KDM3A: variants seen among roughly 807,000 people sequenced by gnomAD.
KDM3A encodes lysine-specific demethylase 3A.
A neutral mutation model predicts 158.0 loss-of-function variants in KDM3A; 60 were observed. The observed-to-expected ratio is 0.38, with a 90% CI of 0.31 to 0.47. The LOEUF (loss-of-function observed/expected upper bound fraction) is 0.47. Ranked by LOEUF, KDM3A falls within the 20% of genes least tolerant of loss-of-function variation. The pLI, the probability that KDM3A is intolerant of heterozygous loss-of-function variation, is 0.99. For missense variants in KDM3A, 1,319 were observed against 1,574.3 expected (o/e 0.84, Z 2.74); for synonymous variants, 608 against 549.3 (o/e 1.11, Z -1.49).
intron 9 of KDM3A, among the ~76,000 whole-genome samples, chr2:86,465,128 A>G (rs191823611): frequency 6.6e-6 from 1 of 152,358 alleles, no homozygotes; most frequent in African/African-American, 2.4e-5. Context: ...AAACAGGTAT[A>G]ATAGAAAAAA....
chr2:86,490,685 C>A (rs1674410880), intron 23 of KDM3A, 196 bp from the exon 24 acceptor site: 13 of 514,878 alleles, frequency 2.5e-5, no homozygotes, highest in Middle Eastern at 1.0e-3. Context: ...GAACTGACAT[C>A]ACATTTTCTT....
intron 25 of KDM3A, 134 bp from the exon 26 acceptor site, chr2:86,491,905 T>C (rs1243944246): frequency 3.1e-6 from 2 of 636,064 alleles, no homozygotes; most frequent in Non-Finnish European, 5.5e-6. Flanking sequence ...CCTTTTGCAA[T>C]GTTGACATTT....
intron 1 of KDM3A, among the ~76,000 whole-genome samples, chr2:86,441,811 G>T (rs1400564644): frequency 1.3e-5 from 2 of 150,078 alleles, no homozygotes; most frequent in Non-Finnish European, 3.0e-5. Flanking sequence ...ACTTGGGAGA[G>T]CGAGGGTCAC....
At chr2:86,477,171 T>G (rs1289382147) in intron 12 of KDM3A, among the ~76,000 whole-genome samples, 1 of 152,230 alleles carries the variant, frequency 6.6e-6, no homozygotes, top group Non-Finnish European at 1.5e-5. Flanking sequence ...AAAATGCTGC[T>G]TTGTGGAATC....
rs765079172 is a variant in KDM3A at position 86,492,180 on chromosome 2, T to C, written c.*61T>C. 10 of 1,264,084 alleles carry C rather than the reference T, an allele frequency of 7.9e-6. No homozygotes were observed. Among genetic ancestry groups the C allele is most frequent in the East Asian group, 7.0e-5 (3 of 42,678 alleles). 78.3% of individuals were successfully genotyped at this position (1,264,084 alleles called of 1,614,324 possible). A position where few individuals can be genotyped will look rare whatever the true frequency, so the allele number is the denominator to read the frequency against. Reference sequence around the variant, plus strand: ...GTTCAAACTCTTCAGGCAGGATTCCTGTGGACTTTGAGATTCATGTTACCT... The same window carrying C: ...GTTCAAACTCTTCAGGCAGGATTCCCGTGGACTTTGAGATTCATGTTACCT... On this transcript the variant is annotated 3_prime_UTR_variant, in exon 26 of 26. Transcript: ENST00000312912.
chr2:86,484,253 AT>A (rs1674077869), intron 19 of KDM3A, 95 bp downstream of exon 19: 3 of 1,066,052 alleles, frequency 2.8e-6, no homozygotes, highest in Non-Finnish European at 1.4e-6. Flanking sequence ...CAGCCGCAGC[AT>A]TTTCCAGGAT....
chr2:86,442,973 G>A (rs751634143), intron 2 of KDM3A, among the ~76,000 whole-genome samples: 1 of 152,138 alleles, frequency 6.6e-6, no homozygotes, highest in African/African-American at 2.4e-5. Flanking sequence ...ATGACACTCA[G>A]AACCTTTTTC....
chr2:86,474,232 C>T (rs1673545671), intron 11 of KDM3A, among the ~76,000 whole-genome samples: 1 of 152,218 alleles, frequency 6.6e-6, no homozygotes, highest in African/African-American at 2.4e-5. Context: ...CTCCTCCCTC[C>T]TCTTTCCCCT....
intron 20 of KDM3A, 147 bp downstream of exon 20, chr2:86,485,176 T>TC: frequency 1.8e-6 from 1 of 567,180 alleles, no homozygotes; most frequent in Non-Finnish European, 3.2e-6. Context: ...TAGTCTGTAG[T>TC]CATTGGAGGC....
intron 8 of KDM3A, among the ~76,000 whole-genome samples, chr2:86,462,155 C>T (rs182397570): frequency 2.7e-5 from 4 of 150,168 alleles, no homozygotes; most frequent in Admixed American, 2.7e-4. Flanking sequence ...CAAATAGAGG[C>T]AAGATTTATT....
rs1673855609 is a variant in KDM3A, at chr2:86,480,236, G to A, written c.2386G>A (p.Ala796Thr). The A allele has an allele frequency of 1.2e-6, 2 of 1,613,662 alleles. No homozygotes were observed. The highest frequency in any genetic ancestry group is 2.7e-5 in the African/African-American group (2 of 74,926). Residue 796 changes from alanine to threonine, a missense_variant, in exon 16 of 26, where the codon GCA becomes ACA. Transcript: ENST00000312912. ...GCAGAATCCCTCAGTGTTGGAGCCAGCAGCTGTGGGTGGGGAAGCAGCCTC... is the reference window on the plus strand; with the variant it reads ...GCAGAATCCCTCAGTGTTGGAGCCAACAGCTGTGGGTGGGGAAGCAGCCTC... The part of the protein sequence containing the change: ...LQQNPSVLEP[A>T]AVGGEAASKP...
intron 19 of KDM3A, 181 bp from the exon 20 acceptor site, chr2:86,484,759 GAT>G: frequency 1.9e-6 from 1 of 519,504 alleles, no homozygotes; most frequent in African/African-American, 1.9e-5. Flanking sequence ...TAAAATGGTG[GAT>G]AGTTGGTAGG....
chr2:86,456,242 T>C (rs1005381703), intron 5 of KDM3A, among the ~76,000 whole-genome samples, 200 bp from the exon 6 acceptor site: 4 of 152,108 alleles, frequency 2.6e-5, no homozygotes, highest in South Asian at 2.1e-4. Flanking sequence ...AATACTACTT[T>C]GGTCCGATAC....
intron 12 of KDM3A, among the ~76,000 whole-genome samples, chr2:86,476,938 G>GGA (rs1399708046): frequency 6.6e-6 from 1 of 152,140 alleles, no homozygotes; most frequent in East Asian, 1.9e-4. Context: ...GTGTTGTTCA[G>GGA]GAGAGAGAGA....
At chr2:86,480,451 G>A (rs1673867232) in intron 16 of KDM3A, 89 bp downstream of exon 16, 2 of 1,146,262 alleles carry the variant, frequency 1.7e-6, no homozygotes, top group Admixed American at 5.3e-5. Context: ...AAGTCGTGTG[G>A]AATGGAAAGT....
chr2:86,474,322 A>G (rs1327801676), intron 11 of KDM3A, among the ~76,000 whole-genome samples: 2 of 152,178 alleles, frequency 1.3e-5, no homozygotes, highest in African/African-American at 2.4e-5. Flanking sequence ...GTGATTAGCC[A>G]TGGAGATTAC....
At chr2:86,491,983 G>GT in intron 25 of KDM3A, 56 bp from the exon 26 acceptor site, 2 of 1,123,766 alleles carry the variant, frequency 1.8e-6, no homozygotes, top group Non-Finnish European at 2.7e-6. Context: ...CTTATTCTTA[G>GT]TGACAGGTTT....
chr2:86,442,651 T>C (rs1217393856), intron 2 of KDM3A: 1 of 155,672 alleles, frequency 6.4e-6, no homozygotes, highest in Non-Finnish European at 1.4e-5. Flanking sequence ...GTTAATTTAT[T>C]CACTCAACTT....
chr2:86,478,598 C>T lies in KDM3A; in HGVS notation c.2189-10C>T. ...CCTTGTTCAGATGTTTGCCTCTGCC[C>T]TTTCTTTAGCACTCTATGATGTTGG... On this transcript the variant is annotated splice_polypyrimidine_tract_variant and intron_variant, in intron 14 of 25. Transcript: ENST00000312912. The T allele has an allele frequency of 3.1e-6, 5 of 1,613,150 alleles. No individual in the cohort carries two copies. The highest frequency in any genetic ancestry group is 4.2e-6 in the Non-Finnish European group (5 of 1,179,698).
Sources: allele counts gnomAD v4.1 joint callset (sites outside exome capture counted in the v4.1 genomes callset), GRCh38; gene constraint gnomAD v4.1.1; transcripts MANE v1.5; gene names NCBI Gene and HGNC (gene_info 2026-07-23, HGNC 2026-07-21).